The following OSBPL10 variants were observed in gnomAD, a reference collection of about 807,000 sequenced individuals.
OSBPL10 encodes the protein oxysterol binding protein like 10, also known as oxysterol-binding protein-related protein 10.
OSBPL10 carries 49 observed loss-of-function variants against 81.7 expected under a neutral mutation model. That is an observed-to-expected ratio of 0.60 (90% confidence interval 0.48 to 0.76). The LOEUF (loss-of-function observed/expected upper bound fraction) is 0.76. Among genes scored for constraint, OSBPL10 ranks in the 30% least tolerant of loss-of-function variants. The pLI is 0.00. For missense variants in OSBPL10, 923 were observed against 987.8 expected, an observed-to-expected ratio of 0.93 and a Z score of 0.88; for synonymous variants, 419 against 383.6, an observed-to-expected ratio of 1.09 and a Z score of -1.08.
Position 31,684,027 on chromosome 3 carries a change from T to C in OSBPL10, c.1333A>G (p.Ile445Val), listed in dbSNP as rs779768585. 8 of 1,614,102 alleles carry C rather than the reference T, an allele frequency of 5.0e-6. No homozygotes were observed. Among genetic ancestry groups the C allele is most frequent in the South Asian group, 4.4e-5 (4 of 91,094 alleles). ...FMAHPDLLLA[I>V]TAGATPEERV... The stretch of plus-strand genomic sequence containing the variant: ...TCCTCTGGTGTGGCCCCAGCGGTGA[T>C]GGCCAGCAGTAGGTCTGGGTGCGCC... Residue 445 changes from isoleucine to valine, a missense_variant, in exon 8 of 12, where the codon ATC becomes GTC. Ile to Val is a conservative substitution (Grantham distance 29). Transcript: ENST00000396556.
At chr3:31,722,711 A>G (rs569726791) in intron 6 of OSBPL10, among the ~76,000 whole-genome samples, 27 of 152,278 alleles carry the variant, frequency 1.8e-4, no homozygotes, top group African/African-American at 6.5e-4. Flanking sequence ...ATTTTAGTAC[A>G]TAAGCTAGGA....
chr3:31,838,427 C>T (rs550217950), intron 3 of OSBPL10, among the ~76,000 whole-genome samples: 19 of 144,318 alleles, frequency 1.3e-4, no homozygotes, highest in African/African-American at 3.9e-4. Context: ...AGGAGAATGG[C>T]GTGAACCCGG....
chr3:31,885,253 T>C (rs562030556), intron 1 of OSBPL10, among the ~76,000 whole-genome samples: 1 of 152,072 alleles, frequency 6.6e-6, no homozygotes, highest in African/African-American at 2.4e-5. Context: ...ATAAACACAC[T>C]CACACAGGTA....
intron 4 of OSBPL10, among the ~76,000 whole-genome samples, chr3:31,817,558 C>CTG (rs1699871145): frequency 6.6e-6 from 1 of 151,448 alleles, no homozygotes; most frequent in South Asian, 2.1e-4. Flanking sequence ...GCAGCTGCAC[C>CTG]CACACCCACA....
Position 31,872,964 on chromosome 3 carries a change from G to C in OSBPL10, c.537+3469C>G, listed in dbSNP as rs373226765. Among the ~76,000 whole-genome samples the C allele has an allele frequency of 2.0e-4, 31 of 152,206 alleles. No homozygotes were observed. The East Asian group carries it at 5.6e-3, about 27-fold the overall frequency. ...TAAGTAACAGAAGTCTGTTGTGAAA[G>C]GCCATATAATTCTACCTATAGAACA... On this transcript the variant is annotated intron_variant, in intron 3 of 11. Transcript: ENST00000396556.
At chr3:31,725,179 A>G (rs906674795) in intron 6 of OSBPL10, among the ~76,000 whole-genome samples, 1 of 152,254 alleles carries the variant, frequency 6.6e-6, no homozygotes, top group East Asian at 1.9e-4. Flanking sequence ...CCCACTATAT[A>G]ATAAGAGCTC....
chr3:31,959,947 TG>T (rs1405450840), intron 1 of OSBPL10, among the ~76,000 whole-genome samples: 2 of 152,224 alleles, frequency 1.3e-5, no homozygotes, highest in Non-Finnish European at 2.9e-5. Flanking sequence ...AAATTATTCC[TG>T]GATTGTGACG....
chr3:31,835,351 A>T (rs1277479363), intron 3 of OSBPL10, among the ~76,000 whole-genome samples: 1 of 151,138 alleles, frequency 6.6e-6, no homozygotes, highest in Non-Finnish European at 1.5e-5. Flanking sequence ...ACTTGCGATA[A>T]ACAAAGTTCC....
chr3:31,924,090 C>T (rs990853069), intron 1 of OSBPL10, among the ~76,000 whole-genome samples: 1 of 151,490 alleles, frequency 6.6e-6, no homozygotes, highest in Non-Finnish European at 1.5e-5. Flanking sequence ...TAGTGGCAGG[C>T]GCCTGGAATC....
intron 1 of OSBPL10, among the ~76,000 whole-genome samples, chr3:31,922,476 G>C (rs1420720374): frequency 6.6e-6 from 1 of 152,086 alleles, no homozygotes; most frequent in Non-Finnish European, 1.5e-5. Flanking sequence ...AAGTTAGCTG[G>C]GTGTGGTGGA....
rs139021392 is a variant in OSBPL10 at position 31,954,495 on chromosome 3, T to C, written c.281+26404A>G. ...GACATAAATGAATCCCAAAATGTTA[T>C]GCTGACTAGAGGAAGCCAGACACAG... On this transcript the variant is annotated intron_variant, in intron 1 of 11. Coordinates refer to ENST00000396556, the MANE Select transcript of OSBPL10 (RefSeq NM_017784.5). Among the ~76,000 whole-genome samples the C allele has an allele frequency of 7.9e-4, 120 of 152,338 alleles. 2 individuals carry two copies. Among genetic ancestry groups the C allele is most frequent in the Non-Finnish European group, 1.5e-3 (101 of 68,036 alleles).
chr3:31,732,414 T>C (rs1009376906), intron 6 of OSBPL10, among the ~76,000 whole-genome samples: 3 of 152,198 alleles, frequency 2.0e-5, no homozygotes, highest in Non-Finnish European at 4.4e-5. Flanking sequence ...CCTTATCAAA[T>C]AGATTTTGTA....
At chr3:32,031,063 G>A (rs911890394) in intron 2 of OSBPL10, among the ~76,000 whole-genome samples, 1 of 151,980 alleles carries the variant, frequency 6.6e-6, no homozygotes, top group Non-Finnish European at 1.5e-5. Flanking sequence ...AGTTACTGGA[G>A]AGGCTGAGGC....
At chr3:31,873,454 G>T (rs1438463697) in intron 3 of OSBPL10, among the ~76,000 whole-genome samples, 1 of 152,158 alleles carries the variant, frequency 6.6e-6, no homozygotes, top group Non-Finnish European at 1.5e-5. Context: ...CACAGGCTGG[G>T]TCATCCTTAA....
At chr3:31,694,850 G>C (rs1695667429) in intron 7 of OSBPL10, among the ~76,000 whole-genome samples, 1 of 152,192 alleles carries the variant, frequency 6.6e-6, no homozygotes, top group African/African-American at 2.4e-5. Flanking sequence ...CGCCTCCAAG[G>C]TTCAAGCGAT....
intron 4 of OSBPL10, among the ~76,000 whole-genome samples, chr3:31,791,222 T>C (rs140819414): frequency 2.6e-4 from 39 of 152,342 alleles, no homozygotes; most frequent in African/African-American, 9.1e-4. Flanking sequence ...AATCTTGTCG[T>C]TTAAAAACCA....
At chr3:31,784,233 G>A (rs1005750606) in intron 4 of OSBPL10, among the ~76,000 whole-genome samples, 3 of 151,866 alleles carry the variant, frequency 2.0e-5, no homozygotes, top group African/African-American at 7.3e-5. Flanking sequence ...GTGGTGGTAT[G>A]CGCCTTTAGT....
intron 7 of OSBPL10, among the ~76,000 whole-genome samples, chr3:31,694,653 G>A (rs1268945059): frequency 6.6e-6 from 1 of 151,958 alleles, no homozygotes; most frequent in Non-Finnish European, 1.5e-5. Flanking sequence ...TCTAAAATAA[G>A]GTCATTTCTT....
intron 1 of OSBPL10, among the ~76,000 whole-genome samples, chr3:31,972,084 G>A (rs1167996226): frequency 6.6e-6 from 1 of 152,284 alleles, no homozygotes; most frequent in South Asian, 2.1e-4. Context: ...CTCACTCAGG[G>A]CTTAGAAAGT....
Sources: allele counts gnomAD v4.1 joint callset (sites outside exome capture counted in the v4.1 genomes callset), GRCh38; gene constraint gnomAD v4.1.1; transcripts MANE v1.5; gene names NCBI Gene and HGNC (gene_info 2026-07-23, HGNC 2026-07-21).